RNF13: variants seen among roughly 807,000 people sequenced by gnomAD.
RNF13 encodes E3 ubiquitin-protein ligase RNF13.
RNF13 carries 19 observed loss-of-function variants against 37.7 expected under a neutral mutation model. That is an observed-to-expected ratio of 0.50 (90% CI 0.35 to 0.74). RNF13 has a LOEUF of 0.74. Ranked by LOEUF, RNF13 falls within the 30% of genes least tolerant of loss-of-function variation. RNF13 has a pLI of 0.01. For missense variants in RNF13, 375 were observed against 453.0 expected (o/e 0.83, Z 1.56); for synonymous variants, 144 against 157.8 (o/e 0.91, Z 0.65).
intron 8 of RNF13, chr3:149,939,926 T>A: frequency 6.8e-6 from 2 of 292,996 alleles, no homozygotes; most frequent in Non-Finnish European, 6.5e-6. Context: ...GGGTTTCTTT[T>A]CAACAAAATA....
intron 8 of RNF13, among the ~76,000 whole-genome samples, chr3:149,927,465 T>G (rs931001395): frequency 1.3e-5 from 2 of 152,192 alleles, no homozygotes; most frequent in Non-Finnish European, 2.9e-5. Flanking sequence ...AAGTATCTGT[T>G]TAAGTCCATG....
At chr3:149,935,247 A>G (rs919860256) in intron 8 of RNF13, among the ~76,000 whole-genome samples, 9 of 151,832 alleles carry the variant, frequency 5.9e-5, no homozygotes, top group Non-Finnish European at 1.2e-4. Flanking sequence ...CCACCCCTTT[A>G]CTTTCAGTCT....
intron 3 of RNF13, among the ~76,000 whole-genome samples, chr3:149,859,591 T>C (rs916242861): frequency 1.1e-4 from 16 of 152,204 alleles, no homozygotes; most frequent in African/African-American, 3.9e-4. Context: ...ACTGGGCATC[T>C]TTTTTGTTCA....
At chr3:149,946,294 A>G (rs973215299) in intron 8 of RNF13, among the ~76,000 whole-genome samples, 8 of 152,332 alleles carry the variant, frequency 5.3e-5, no homozygotes, top group Admixed American at 2.0e-4. Context: ...AGCCAATTCA[A>G]TCAACTGGAA....
intron 7 of RNF13, among the ~76,000 whole-genome samples, chr3:149,918,668 C>T (rs9846291): frequency 0.69 from 103,874 of 150,896 alleles, 36,525 homozygotes; most frequent in East Asian, 0.9. Context: ...GGACTAGAGG[C>T]GCACATCACC....
intron 8 of RNF13, among the ~76,000 whole-genome samples, chr3:149,956,569 A>G (rs1351457140): frequency 6.6e-6 from 1 of 152,220 alleles, no homozygotes; most frequent in African/African-American, 2.4e-5. Context: ...AGAGGAGACA[A>G]TCTAAGTTCT....
At chr3:149,932,219 T>C (rs978751464) in intron 8 of RNF13, among the ~76,000 whole-genome samples, 3 of 152,176 alleles carry the variant, frequency 2.0e-5, no homozygotes, top group Non-Finnish European at 2.9e-5. Context: ...GATTGCTGGA[T>C]CATATGGTGG....
chr3:149,888,999 C>T (rs1324851116), intron 4 of RNF13, among the ~76,000 whole-genome samples: 16 of 152,124 alleles, frequency 1.1e-4, no homozygotes, highest in Non-Finnish European at 2.2e-4. Flanking sequence ...AGTCCAGTGG[C>T]GCGATCTCAG....
intron 1 of RNF13, among the ~76,000 whole-genome samples, chr3:149,822,291 C>T (rs1276145645): frequency 1.3e-5 from 2 of 152,010 alleles, no homozygotes; most frequent in Non-Finnish European, 2.9e-5. Flanking sequence ...TGTTTGATAT[C>T]CTTCAGCATT....
chr3:149,836,113 GT>G (rs1299367372), intron 1 of RNF13, among the ~76,000 whole-genome samples: 1 of 152,170 alleles, frequency 6.6e-6, no homozygotes, highest in African/African-American at 2.4e-5. Flanking sequence ...TTGCATAGTG[GT>G]TTTGATTTGC....
chr3:149,889,288 T>TGC lies in RNF13; in HGVS notation c.322-6184_322-6183insCG, dbSNP rs1553761907. ...AATGTGCTGAAAATCTGAATTTGAG[T>TGC]GTGCGTGTGTGTGTGTGTGTGTGTG... On this transcript the variant is annotated intron_variant, in intron 4 of 9. Coordinates refer to ENST00000392894, the MANE Select transcript of RNF13 (RefSeq NM_183381.3). 5.9e-4 allele frequency among the ~76,000 whole-genome samples: 69 copies of TGC among 117,196 alleles called. 1 individual carries two copies. The East Asian group carries it at 0.01, about 17-fold the overall frequency. 76.9% of individuals were successfully genotyped at this position (117,196 alleles called of 152,430 possible). A position where few individuals can be genotyped will look rare whatever the true frequency, so the allele number is the denominator to read the frequency against.
chr3:149,883,980 C>T (rs1276447353), intron 4 of RNF13, among the ~76,000 whole-genome samples: 2 of 152,142 alleles, frequency 1.3e-5, no homozygotes, highest in Admixed American at 1.3e-4. Context: ...CGTTAGTTTG[C>T]CAAGGATAAC....
At chr3:149,840,081 T>G (rs1363439228) in intron 1 of RNF13, among the ~76,000 whole-genome samples, 1 of 152,166 alleles carries the variant, frequency 6.6e-6, no homozygotes, top group Non-Finnish European at 1.5e-5. Context: ...TTAGAACTGG[T>G]TTAAAACAGT....
intron 8 of RNF13, among the ~76,000 whole-genome samples, chr3:149,947,805 A>G (rs1720918344): frequency 6.6e-6 from 1 of 152,068 alleles, no homozygotes; most frequent in South Asian, 2.1e-4. Context: ...CCATTATGTC[A>G]TTATATAATG....
At chr3:149,879,355 T>C (rs866757269) in intron 4 of RNF13, among the ~76,000 whole-genome samples, 4 of 149,262 alleles carry the variant, frequency 2.7e-5, no homozygotes, top group African/African-American at 9.9e-5. Context: ...TTGCCTGGGC[T>C]GGAGTGCAGT....
At chr3:149,840,413 G>A (rs950598094) in intron 1 of RNF13, among the ~76,000 whole-genome samples, 1 of 152,036 alleles carries the variant, frequency 6.6e-6, no homozygotes, top group African/African-American at 2.4e-5. Context: ...TCTGTCTTTG[G>A]TAATATGAGT....
At chr3:149,939,704 TA>T in intron 8 of RNF13, 1 of 806,224 alleles carries the variant, frequency 1.2e-6, no homozygotes, top group Non-Finnish European at 2.0e-6. Flanking sequence ...TTATTCACCT[TA>T]AAGTGATAAT....
At chr3:149,889,723 C>T (rs1048037212) in intron 4 of RNF13, among the ~76,000 whole-genome samples, 3 of 147,252 alleles carry the variant, frequency 2.0e-5, no homozygotes, top group East Asian at 2.0e-4. Context: ...GGTGCGATCT[C>T]GGCTCACTGC....
intron 8 of RNF13, among the ~76,000 whole-genome samples, chr3:149,959,122 A>G (rs1722140406): frequency 6.6e-6 from 1 of 152,230 alleles, no homozygotes; most frequent in Non-Finnish European, 1.5e-5. Context: ...TAAAAGTTTT[A>G]TAAGTTTTTA....
Sources: gnomAD v4.1 joint callset for allele counts (sites outside exome capture counted in the v4.1 genomes callset) on GRCh38, gnomAD v4.1.1 for gene constraint, MANE v1.5 for transcripts, NCBI Gene and HGNC (gene_info 2026-07-23, HGNC 2026-07-21) for gene names.